Variants in ACOT1 observed in about 807,000 individuals in gnomAD.
The protein encoded by ACOT1 is acyl-coenzyme A thioesterase 1.
In ACOT1, 8 loss-of-function variants were observed where a neutral mutation model predicts 15.7. The ratio of observed to expected loss-of-function variants is 0.51; its 90% CI spans 0.30 to 0.92. The LOEUF is 0.92. Ranked by LOEUF, ACOT1 falls within the 40% of genes least tolerant of loss-of-function variation. ACOT1 has a pLI of 0.06. For missense variants in ACOT1, 151 were observed against 539.4 expected, an observed-to-expected ratio of 0.28 and a Z score of 7.13; for synonymous variants, 67 against 241.2, an observed-to-expected ratio of 0.28 and a Z score of 6.69.
At chr14:73,523,770 CT>C in the ACOT1 span, among the ~76,000 whole-genome samples, 1 of 152,172 alleles carries the variant, frequency 6.6e-6, no homozygotes, top group Non-Finnish European at 1.5e-5. Flanking sequence ...TCAATTTGTG[CT>C]GCTCCATAAC....
chr14:73,495,971 T>C, the ACOT1 span, among the ~76,000 whole-genome samples: 1 of 151,976 alleles, frequency 6.6e-6, no homozygotes, highest in African/African-American at 2.4e-5. Context: ...CCACTAAAAA[T>C]ACAAAAAAAT....
the ACOT1 span, chr14:73,519,128 T>C: frequency 1.2e-6 from 2 of 1,613,852 alleles, no homozygotes; most frequent in Non-Finnish European, 1.7e-6. Flanking sequence ...ATCTGGTCTC[T>C]CTTTGCACCA....
At chr14:73,492,612 C>G in the ACOT1 span, 1 of 1,613,866 alleles carries the variant, frequency 6.2e-7, no homozygotes, top group South Asian at 1.1e-5. The surrounding 1 kb of genome is among the most constrained non-coding windows in gnomAD (Gnocchi z 4.9). Context: ...CGCTGGGAGG[C>G]TGGAGAACCT....
chr14:73,491,443 G>A, the ACOT1 span: 2 of 1,383,828 alleles, frequency 1.4e-6, no homozygotes, highest in African/African-American at 3.1e-5. Flanking sequence ...CGGTCCGGGT[G>A]GTGGAGACCT....
At chr14:73,509,866 A>ATTTATATATT in the ACOT1 span, among the ~76,000 whole-genome samples, 55 of 67,512 alleles carry the variant, frequency 8.1e-4, 2 homozygotes, top group African/African-American at 3.3e-3. Context: ...ATATATATAT[A>ATTTATATATT]TATTTATTTA....
the ACOT1 span, among the ~76,000 whole-genome samples, chr14:73,506,819 T>C: frequency 7.6e-6 from 1 of 131,940 alleles, no homozygotes; most frequent in South Asian, 2.5e-4. Context: ...TTTTTTTTTT[T>C]TTTTTTCTGA....
At chr14:73,511,876 G>A in the ACOT1 span, 1 of 1,026,304 alleles carries the variant, frequency 9.7e-7, no homozygotes, top group Non-Finnish European at 1.5e-6. Flanking sequence ...GTATATATAG[G>A]CCAGTCTCTA....
the ACOT1 span, chr14:73,495,432 G>A: frequency 6.8e-7 from 1 of 1,474,180 alleles, no homozygotes; most frequent in Non-Finnish European, 9.4e-7. Context: ...CAAAACACCT[G>A]TACTAGGCAG....
chr14:73,500,421 ACCCCCTTC>A, the ACOT1 span: 1 of 988,278 alleles, frequency 1.0e-6, no homozygotes. Context: ...TGGCTTATAC[ACCCCCTTC>A]CCAGTTCCAA....
chr14:73,519,370 G>GA, the ACOT1 span, among the ~76,000 whole-genome samples: 975 of 147,976 alleles, frequency 6.6e-3, 4 homozygotes, highest in Middle Eastern at 0.017. Context: ...GTCTGTGGGG[G>GA]AAAAAAAAAA....
chr14:73,525,953 TAAAA>T, the ACOT1 span, among the ~76,000 whole-genome samples: 3 of 144,562 alleles, frequency 2.1e-5, no homozygotes, highest in Non-Finnish European at 3.0e-5. Flanking sequence ...ACTCCTTATT[TAAAA>T]AAAAAAAAAA....
the ACOT1 span, chr14:73,522,257 C>A: frequency 6.2e-7 from 1 of 1,608,970 alleles, no homozygotes. Flanking sequence ...GCACTTGAGG[C>A]CCTGGCCAGT....
the ACOT1 span, among the ~76,000 whole-genome samples, chr14:73,525,978 T>TA: frequency 6.7e-6 from 1 of 148,570 alleles, no homozygotes; most frequent in Non-Finnish European, 1.5e-5. Flanking sequence ...AGCATCTTCA[T>TA]AAGAAACAAA....
Position 73,537,592 on chromosome 14 carries a change from T to C in ACOT1, c.171T>C (p.Leu57=). The change falls in exon 1 of 3, where the codon CTT becomes CTC. Residue 57 remains leucine (L), a synonymous_variant. Coordinates refer to ENST00000311148, the MANE Select transcript of ACOT1 (RefSeq NM_001037161.2). Reference sequence around the variant, plus strand: ...ACGCGCGCTACCGCGCCGACACCCTTGGCGAGCTGGACCTGGAGCGCGCGC... The same window carrying C: ...ACGCGCGCTACCGCGCCGACACCCTCGGCGAGCTGGACCTGGAGCGCGCGC... The part of the protein sequence containing the change: ...QAHARYRADT[L]GELDLERAPA... The C allele has an allele frequency of 1.1e-5, 13 of 1,223,540 alleles. 4 individuals carry two copies. Among genetic ancestry groups the C allele is most frequent in the Non-Finnish European group, 1.4e-5 (13 of 930,328 alleles). The allele number at this position is 1,223,540 out of a possible 1,614,324, so 75.8% of individuals were successfully genotyped here. A position where few individuals can be genotyped will look rare whatever the true frequency, so the allele number is the denominator to read the frequency against.
chr14:73,516,603 C>T, the ACOT1 span, among the ~76,000 whole-genome samples: 12 of 152,140 alleles, frequency 7.9e-5, no homozygotes, highest in African/African-American at 2.9e-4. Context: ...CACTAGCCAT[C>T]TTCCACATCA....
At chr14:73,520,789 A>T in the ACOT1 span, 1 of 1,463,168 alleles carries the variant, frequency 6.8e-7, no homozygotes, top group South Asian at 1.3e-5. Flanking sequence ...AGCCCCCAGC[A>T]ATCTTCCACC....
At chr14:73,538,362 C>T (rs904943493) in intron 1 of ACOT1, among the ~76,000 whole-genome samples, 1 of 114,370 alleles carries the variant, frequency 8.7e-6, no homozygotes, top group African/African-American at 2.9e-5. Flanking sequence ...GCCTGTAATC[C>T]CAGCACTTTG....
chr14:73,512,159 A>G, the ACOT1 span: 6 of 1,614,028 alleles, frequency 3.7e-6, no homozygotes, highest in Non-Finnish European at 5.1e-6. Flanking sequence ...ACTGAGCCGC[A>G]GTGAGGGAAA....
the ACOT1 span, chr14:73,508,268 C>T: frequency 6.2e-7 from 1 of 1,613,982 alleles, no homozygotes; most frequent in African/African-American, 1.3e-5. Flanking sequence ...AAGCACTGAG[C>T]TGCAGCCCAG....
Sources: allele counts gnomAD v4.1 joint callset (sites outside exome capture counted in the v4.1 genomes callset), GRCh38; gene constraint gnomAD v4.1.1; non-coding constraint Gnocchi (gnomAD v3.1); transcripts MANE v1.5; gene names NCBI Gene and HGNC (gene_info 2026-07-23, HGNC 2026-07-21).